The following SLC28A3 variants were observed in gnomAD, a reference collection of about 807,000 sequenced individuals.
The protein encoded by SLC28A3 is solute carrier family 28 member 3.
A neutral mutation model predicts 84.2 loss-of-function variants in SLC28A3; 68 were observed. The ratio of observed to expected loss-of-function variants is 0.81; its 90% confidence interval spans 0.66 to 0.99. SLC28A3 has a LOEUF of 0.99. Among genes scored for constraint, SLC28A3 ranks in the 50% least tolerant of loss-of-function variants. The probability of loss-of-function intolerance (pLI) is 0.00; values close to 1 mark genes in which losing one functional copy is unlikely to be tolerated. For synonymous variants in SLC28A3, 267 were observed against 303.6 expected (o/e 0.88, Z 1.25); for missense variants, 712 against 841.5 (o/e 0.85, Z 1.90).
intron 17 of SLC28A3, 124 bp from the exon 18 acceptor site, chr9:84,278,468 G>C (rs996110289): frequency 5.4e-6 from 7 of 1,303,966 alleles, no homozygotes; most frequent in Non-Finnish European, 7.3e-6. Flanking sequence ...ATTCTGGTTA[G>C]GGTGGATTAA....
At chr9:84,317,259 G>A (rs73651760) in intron 1 of SLC28A3, among the ~76,000 whole-genome samples, 1,600 of 152,224 alleles carry the variant, frequency 0.011, 27 homozygotes, top group African/African-American at 0.036. Flanking sequence ...ATTAAATTCC[G>A]TTTGGAAATT....
intron 1 of SLC28A3, among the ~76,000 whole-genome samples, chr9:84,313,793 A>G (rs13291905): frequency 0.22 from 32,808 of 150,872 alleles, 3,849 homozygotes; most frequent in African/African-American, 0.31. Flanking sequence ...AGGCTGAGGT[A>G]GGAGAATTGC....
At chr9:84,366,402 G>A in the SLC28A3 span, among the ~76,000 whole-genome samples, 2 of 152,054 alleles carry the variant, frequency 1.3e-5, no homozygotes, top group South Asian at 2.1e-4. Flanking sequence ...GGCTTATTTA[G>A]TTCATTTGGT....
chr9:84,361,128 A>G, the SLC28A3 span, among the ~76,000 whole-genome samples: 1 of 152,006 alleles, frequency 6.6e-6, no homozygotes. Context: ...GGCAGATCAC[A>G]AGGTCAGGAG....
the SLC28A3 span, among the ~76,000 whole-genome samples, chr9:84,356,766 G>T: frequency 6.6e-6 from 1 of 152,036 alleles, no homozygotes; most frequent in African/African-American, 2.4e-5. Flanking sequence ...GGGAAGCAGA[G>T]GTTGCAGTGA....
chr9:84,364,228 A>C, the SLC28A3 span, among the ~76,000 whole-genome samples: 1 of 150,720 alleles, frequency 6.6e-6, no homozygotes, highest in Non-Finnish European at 1.5e-5. Flanking sequence ...AGGTTCAAGC[A>C]ATTCTCCTGC....
chr9:84,333,609 C>T (rs1304733079), intron 1 of SLC28A3, among the ~76,000 whole-genome samples: 1 of 152,166 alleles, frequency 6.6e-6, no homozygotes, highest in Non-Finnish European at 1.5e-5. Context: ...AACTCAATGA[C>T]ATACTGCTAC....
rs944344152 is a variant in SLC28A3 at position 84,314,595 on chromosome 9, T to G, written c.61-1141A>C. 9.4e-4 allele frequency among the ~76,000 whole-genome samples: 137 copies of G among 145,492 alleles called. 3 individuals carry two copies. The highest frequency in any genetic ancestry group is 1.8e-4 in the Non-Finnish European group (12 of 65,608). On this transcript the variant is annotated intron_variant, in intron 1 of 17. Transcript: ENST00000376238. ...ACTGAAACACAAGAATGAATAAACA[T>G]GAAAAAAAAGTTACAGTACAAGATT...
At chr9:84,345,021 C>T (rs988986809), upstream of SLC28A3, among the ~76,000 whole-genome samples, 5 of 152,140 alleles carry the variant, frequency 3.3e-5, no homozygotes, top group African/African-American at 1.2e-4. Context: ...TAACAGAGTT[C>T]AACTCTTTTC....
the SLC28A3 span, among the ~76,000 whole-genome samples, chr9:84,349,234 C>T: frequency 6.6e-6 from 1 of 152,222 alleles, no homozygotes; most frequent in African/African-American, 2.4e-5. Flanking sequence ...GCTATTTTCA[C>T]TTCTGTGGAT....
rs1824565108 is a variant in SLC28A3 at position 84,277,462 on chromosome 9, GCCCCCCTTAGAGGCTGCTCCTT to G, written c.*734_*755del. ...TTCTTTTCCCTCTTAAGACCAACAT[GCCCCCCTTAGAGGCTGCTCCTT>G]TAGACTGGGTGCTGAAGCAATATGG... On this transcript the variant is annotated 3_prime_UTR_variant, in exon 18 of 18. Transcript: ENST00000376238. 6.6e-6 allele frequency: 1 copy of G among 152,194 alleles called. No homozygotes were observed. The highest frequency in any genetic ancestry group is 2.4e-5 in the African/African-American group (1 of 41,438). 9.4% of individuals were successfully genotyped at this position (152,194 alleles called of 1,614,324 possible). A position where few individuals can be genotyped will look rare whatever the true frequency, so the allele number is the denominator to read the frequency against.
intron 1 of SLC28A3, among the ~76,000 whole-genome samples, chr9:84,321,733 CAAAAAAAAAAA>C (rs10707383): frequency 1.5e-5 from 1 of 65,116 alleles, no homozygotes; most frequent in Non-Finnish European, 3.1e-5. Flanking sequence ...GACTCCGTCT[CAAAAAAAAAAA>C]AAAAAAAAAA....
chr9:84,350,397 C>A, the SLC28A3 span, among the ~76,000 whole-genome samples: 1 of 151,816 alleles, frequency 6.6e-6, no homozygotes, highest in South Asian at 2.1e-4. Context: ...GCCAAGATTG[C>A]GTCATTGCAC....
chr9:84,301,369 A>AAAAAAAAAAAG (rs753889714), intron 5 of SLC28A3, among the ~76,000 whole-genome samples: 366 of 132,146 alleles, frequency 2.8e-3, no homozygotes, highest in East Asian at 6.9e-3. Context: ...AAAAAAAAAA[A>AAAAAAAAAAAG]AAAAAGAAAA....
the SLC28A3 span, among the ~76,000 whole-genome samples, chr9:84,351,769 G>T: frequency 6.6e-6 from 1 of 151,656 alleles, no homozygotes; most frequent in Non-Finnish European, 1.5e-5. Flanking sequence ...TAAATTTCCT[G>T]ATCTTGATAA....
Position 84,340,752 on chromosome 9 carries a change from T to A in SLC28A3, c.-119A>T. On this transcript the variant is annotated 5_prime_UTR_variant, in exon 1 of 18. Coordinates refer to ENST00000376238, the MANE Select transcript of SLC28A3 (RefSeq NM_001199633.2). Reference sequence around the variant, plus strand: ...TACAGGGACCTGGGCACAGCTTGCTTCAGTTTGGAAACTTCTGCAATAATC... The same window carrying A: ...TACAGGGACCTGGGCACAGCTTGCTACAGTTTGGAAACTTCTGCAATAATC... 1.7e-6 allele frequency: 2 copies of A among 1,159,896 alleles called. No homozygotes were observed. Among genetic ancestry groups the A allele is most frequent in the Non-Finnish European group, 1.3e-6 (1 of 799,374 alleles). 71.9% of individuals were successfully genotyped at this position (1,159,896 alleles called of 1,614,324 possible).
chr9:84,286,159 G>A (rs775249503), intron 12 of SLC28A3, 48 bp from the exon 13 acceptor site: 5 of 1,572,240 alleles, frequency 3.2e-6, no homozygotes, highest in Non-Finnish European at 4.4e-6. Flanking sequence ...GTTGTCAGGG[G>A]ATGGACACCA....
At chr9:84,325,596 G>A (rs539350554) in intron 1 of SLC28A3, among the ~76,000 whole-genome samples, 9 of 152,224 alleles carry the variant, frequency 5.9e-5, no homozygotes, top group African/African-American at 1.7e-4. Flanking sequence ...CATAATGCCT[G>A]GCACAATGTC....
intron 8 of SLC28A3, among the ~76,000 whole-genome samples, 172 bp downstream of exon 8, chr9:84,297,049 A>G (rs1223123711): frequency 6.6e-6 from 1 of 152,208 alleles, no homozygotes. Flanking sequence ...CGTGCAGTCC[A>G]CTAACTTCAG....
Sources: allele counts gnomAD v4.1 joint callset (sites outside exome capture counted in the v4.1 genomes callset), GRCh38; gene constraint gnomAD v4.1.1; transcripts MANE v1.5; gene names NCBI Gene and HGNC (gene_info 2026-07-23, HGNC 2026-07-21).